EPB41: variants seen among roughly 807,000 people sequenced by gnomAD.
EPB41 encodes protein 4.1.
EPB41 carries 65 observed loss-of-function variants against 108.0 expected under a neutral mutation model. The observed-to-expected ratio is 0.60, with a 90% CI of 0.49 to 0.74. The LOEUF is 0.74. Ranked by LOEUF, EPB41 falls within the 30% of genes least tolerant of loss-of-function variation. EPB41 has a pLI of 0.00. For missense variants in EPB41, 875 were observed against 1,037.0 expected, an observed-to-expected ratio of 0.84 and a Z score of 2.15; for synonymous variants, 336 against 358.9, an observed-to-expected ratio of 0.94 and a Z score of 0.72.
chr1:28,983,890 A>G (rs1477879040), intron 1 of EPB41, among the ~76,000 whole-genome samples: 1 of 152,124 alleles, frequency 6.6e-6, no homozygotes, highest in Non-Finnish European at 1.5e-5. Flanking sequence ...AGCCTTTTGT[A>G]TCTGCACACA....
chr1:29,011,789 C>T, intron 4 of EPB41, 76 bp from the exon 5 acceptor site: 2 of 1,491,746 alleles, frequency 1.3e-6, no homozygotes, highest in Non-Finnish European at 1.9e-6. Context: ...TGAAGATAGT[C>T]AGTGATCTTG....
At chr1:29,092,708 C>T (rs1341806677) in intron 16 of EPB41, among the ~76,000 whole-genome samples, 2 of 152,176 alleles carry the variant, frequency 1.3e-5, no homozygotes, top group Admixed American at 6.5e-5. Context: ...CTCCCACCCT[C>T]CACCCTCAAG....
chr1:29,028,750 T>A (rs959106707), intron 7 of EPB41, among the ~76,000 whole-genome samples: 9 of 152,108 alleles, frequency 5.9e-5, no homozygotes, highest in African/African-American at 2.2e-4. Flanking sequence ...AGCTTCAAAA[T>A]CCTAAAATTC....
At chr1:29,062,667 A>G (rs1646750706) in intron 15 of EPB41, among the ~76,000 whole-genome samples, 1 of 150,448 alleles carries the variant, frequency 6.6e-6, no homozygotes, top group African/African-American at 2.4e-5. Context: ...TTTTTTTTTA[A>G]GCATCCCTCC....
chr1:28,919,426 C>T (rs556160585), intron 1 of EPB41, among the ~76,000 whole-genome samples: 1 of 152,142 alleles, frequency 6.6e-6, no homozygotes, highest in South Asian at 2.1e-4. Flanking sequence ...AATATTCTGT[C>T]TCTCCTTCCA....
intron 11 of EPB41, among the ~76,000 whole-genome samples, chr1:29,048,121 A>G (rs1160664313): frequency 6.6e-6 from 1 of 151,948 alleles, no homozygotes; most frequent in Non-Finnish European, 1.5e-5. Context: ...TATGGGGTAC[A>G]AAGTAATTGT....
Position 29,018,499 on chromosome 1 carries a change from A to G in EPB41, c.1124+57A>G. 6.9e-7 allele frequency: 1 copy of G among 1,455,694 alleles called. No homozygotes were observed. Among genetic ancestry groups the G allele is most frequent in the Non-Finnish European group, 9.6e-7 (1 of 1,044,468 alleles). 90.2% of individuals were successfully genotyped at this position (1,455,694 alleles called of 1,614,324 possible). A position where few individuals can be genotyped will look rare whatever the true frequency, so the allele number is the denominator to read the frequency against. On this transcript the variant is annotated intron_variant, in intron 7 of 20. Transcript: ENST00000343067. The surrounding 1 kb of genome is among the most constrained non-coding windows in gnomAD (Gnocchi z 4.4). ...TGTTTTGGCGATTAGTTTAAACACAACATGGTATTGGTTCATTGTTTGCCT... is the reference window on the plus strand; with the variant it reads ...TGTTTTGGCGATTAGTTTAAACACAGCATGGTATTGGTTCATTGTTTGCCT...
intron 17 of EPB41, among the ~76,000 whole-genome samples, chr1:29,099,031 G>A (rs1664282373): frequency 2.0e-5 from 3 of 149,876 alleles, no homozygotes; most frequent in South Asian, 2.1e-4. Context: ...ACTGGTGGCC[G>A]GGTGCAGTGG....
intron 3 of EPB41, 108 bp downstream of exon 3, chr1:28,993,650 CT>C: frequency 1.6e-6 from 1 of 639,102 alleles, no homozygotes; most frequent in Non-Finnish European, 2.4e-6. Context: ...GTGATTATTT[CT>C]TTTTTCTTTT....
chr1:28,987,384 T>C, intron 1 of EPB41, 47 bp from the exon 2 acceptor site: 1 of 1,536,930 alleles, frequency 6.5e-7, no homozygotes, highest in South Asian at 1.1e-5. Context: ...CCAACAGTAA[T>C]GTGTTTTGCT....
intron 1 of EPB41, among the ~76,000 whole-genome samples, chr1:28,931,498 T>A (rs2093741869): frequency 6.6e-6 from 1 of 151,786 alleles, no homozygotes; most frequent in African/African-American, 2.4e-5. Context: ...GGCTTCATAC[T>A]CCTCTAAAGA....
At chr1:28,899,472 A>G (rs924104373) in intron 1 of EPB41, among the ~76,000 whole-genome samples, 5 of 152,072 alleles carry the variant, frequency 3.3e-5, no homozygotes, top group African/African-American at 1.2e-4. Flanking sequence ...AGCCCCACCC[A>G]TGACAGTTTC....
chr1:28,995,431 A>G (rs1368675213), intron 3 of EPB41, among the ~76,000 whole-genome samples: 4 of 152,144 alleles, frequency 2.6e-5, no homozygotes, highest in African/African-American at 2.4e-5. Flanking sequence ...GTGTGGTGGC[A>G]CGCACCTGTA....
At chr1:28,986,399 G>A (rs2095870052) in intron 1 of EPB41, among the ~76,000 whole-genome samples, 1 of 152,178 alleles carries the variant, frequency 6.6e-6, no homozygotes, top group South Asian at 2.1e-4. Context: ...TTATTGTGAA[G>A]CTTGACTTAT....
chr1:29,106,564 A>ATATTTT (rs1667234508), intron 17 of EPB41, among the ~76,000 whole-genome samples: 1 of 50,882 alleles, frequency 2.0e-5, no homozygotes, highest in Non-Finnish European at 3.3e-5. Flanking sequence ...AGTAGCTGGG[A>ATATTTT]TTTTTTTTTT....
intron 1 of EPB41, among the ~76,000 whole-genome samples, chr1:28,899,814 G>A (rs1321345606): frequency 1.3e-5 from 2 of 152,146 alleles, no homozygotes; most frequent in Admixed American, 6.5e-5. Context: ...GAGGTCAGAG[G>A]TTTCTACTAA....
At chr1:28,947,246 A>G (rs2094516199) in intron 1 of EPB41, among the ~76,000 whole-genome samples, 1 of 152,124 alleles carries the variant, frequency 6.6e-6, no homozygotes, top group Admixed American at 6.5e-5. Context: ...CAAATCCACT[A>G]AAAATACAAA....
chr1:28,887,787 C>T lies in EPB41; in HGVS notation c.-8+577C>T, dbSNP rs1192997676. 1.7e-5 allele frequency: 11 copies of T among 640,166 alleles called. No homozygotes were observed. The South Asian group carries it at 6.9e-4, about 40-fold the overall frequency. The allele number at this position is 640,166 out of a possible 1,614,324, so 39.7% of individuals were successfully genotyped here. ...GCCAGGGTGGCCCCCCCGGCCGTCGCGCCAGCCCCACACCCTCCCTGCCAG... is the reference window on the plus strand; with the variant it reads ...GCCAGGGTGGCCCCCCCGGCCGTCGTGCCAGCCCCACACCCTCCCTGCCAG... On this transcript the variant is annotated intron_variant, in intron 1 of 16. Coordinates refer to the EPB41 transcript ENST00000347529. The surrounding 1 kb of genome is among the most constrained non-coding windows in gnomAD (Gnocchi z 4.9).
At chr1:29,033,942 C>T (rs1638403764) in intron 9 of EPB41, among the ~76,000 whole-genome samples, 2 of 152,122 alleles carry the variant, frequency 1.3e-5, no homozygotes, top group Non-Finnish European at 2.9e-5. Context: ...ATACCTTCTC[C>T]ATCATAGTTA....
Sources: gnomAD v4.1 joint callset for allele counts (sites outside exome capture counted in the v4.1 genomes callset) on GRCh38, gnomAD v4.1.1 for gene constraint, Gnocchi (gnomAD v3.1) non-coding constraint, MANE v1.5 for transcripts, NCBI Gene and HGNC (gene_info 2026-07-23, HGNC 2026-07-21) for gene names.